The following COL5A2 variants were observed in gnomAD, a reference collection of about 807,000 sequenced individuals.
The protein encoded by COL5A2 is collagen type V alpha 2 chain, also known as collagen alpha-2(V) chain.
In COL5A2, 23 loss-of-function variants were observed where a neutral mutation model predicts 208.2. The observed-to-expected ratio is 0.11, with a 90% CI of 0.08 to 0.16. The LOEUF is 0.16. Ranked by LOEUF, COL5A2 falls within the 10% of genes least tolerant of loss-of-function variation. COL5A2 has a pLI of 1.00. For missense variants in COL5A2, 1,590 were observed against 1,956.4 expected, an observed-to-expected ratio of 0.81 and a Z score of 3.53; for synonymous variants, 625 against 628.5, an observed-to-expected ratio of 0.99 and a Z score of 0.08.
rs1266741782 is a variant in COL5A2 at position 189,088,745 on chromosome 2, C to T, written c.595G>A (p.Asp199Asn). ...RPFSAQMAGL[D>N]EKSGLGSQVG... ...TGACTCCCAAGTCCAGATTTTTCAT[C>T]CAACCCAGCCATTTGAGCTGAAAAC... Residue 199 changes from aspartate to asparagine, a missense_variant, in exon 8 of 54, where the codon GAT (aspartate) becomes AAT (asparagine). By Grantham distance (23) the Asp-to-Asn change is conservative. Coordinates refer to ENST00000374866, the MANE Select transcript of COL5A2 (RefSeq NM_000393.5). 1.2e-6 allele frequency: 2 copies of T among 1,614,046 alleles called. No individual in the cohort carries two copies. The highest frequency in any genetic ancestry group is 2.2e-5 in the East Asian group (1 of 44,846).
At chr2:189,338,666 A>AAT in the COL5A2 span, among the ~76,000 whole-genome samples, 5,378 of 148,862 alleles carry the variant, frequency 0.036, 110 homozygotes, top group Admixed American at 0.05. Flanking sequence ...AATATTATAA[A>AAT]ATGTTTTTAT....
intron 17 of COL5A2, among the ~76,000 whole-genome samples, chr2:189,073,595 CATG>C (rs1024657666): frequency 3.9e-5 from 6 of 152,062 alleles, no homozygotes; most frequent in Admixed American, 3.9e-4. Context: ...CCACTAATTT[CATG>C]ATGAACAGAT....
In COL5A2 at chr2:189,207,545, T is replaced by C. The variant is rs1481050192; in HGVS notation, c.-42+17603A>G. ...TAGTGCTAAGGTTTGCAAAGATCAA[T>C]AACCTGCCTACAGGAAGTGTACATG... On this transcript the variant is annotated intron_variant, in intron 1 of 10. Transcript: ENST00000649966. Among the ~76,000 whole-genome samples the C allele has an allele frequency of 5.3e-5, 8 of 152,212 alleles. No homozygotes were observed. In the East Asian group the frequency reaches 1.3e-3, roughly 26 times the overall value.
Position 189,036,620 on chromosome 2 carries a change from G to A in COL5A2, c.4109C>T (p.Ser1370Phe). ...VWYGLDMNRGSQFAYGDHQSP... is the reference protein window; with the variant it reads ...VWYGLDMNRGFQFAYGDHQSP... ...TAAGTAAACATATTAAATTACCTGA[G>A]ACCCTCTGTTCATATCAAGACCATA... The change falls in exon 52 of 54, where the codon TCT (serine) becomes TTT (phenylalanine). Residue 1370 changes from serine (S) to phenylalanine (F), a missense_variant. Physicochemically the swap from Ser to Phe is radical, Grantham distance 155. Transcript: ENST00000374866. The A allele has an allele frequency of 6.2e-7, 1 of 1,610,174 alleles. No homozygotes were observed.
At chr2:189,081,936 C>G (rs1366273987) in intron 12 of COL5A2, among the ~76,000 whole-genome samples, 1 of 152,046 alleles carries the variant, frequency 6.6e-6, no homozygotes, top group Non-Finnish European at 1.5e-5. Context: ...ATTGAATTGC[C>G]ATTACCACTG....
the COL5A2 span, among the ~76,000 whole-genome samples, chr2:189,411,208 T>C: frequency 6.6e-6 from 1 of 152,192 alleles, no homozygotes; most frequent in African/African-American, 2.4e-5. Flanking sequence ...CTCTGTAAAG[T>C]CTTCTTTATT....
intron 1 of COL5A2, among the ~76,000 whole-genome samples, chr2:189,136,007 C>T (rs990163312): frequency 2.6e-5 from 4 of 152,154 alleles, no homozygotes; most frequent in African/African-American, 9.7e-5. Flanking sequence ...CCACCAGTCA[C>T]ATTTATTCCC....
At chr2:189,181,994 C>A (rs918501388), upstream of COL5A2, among the ~76,000 whole-genome samples, 12 of 152,306 alleles carry the variant, frequency 7.9e-5, no homozygotes, top group East Asian at 1.9e-4. Flanking sequence ...CTTGTGAACT[C>A]TTGAAATCTT....
At chr2:189,066,019 T>G (rs565306725) in intron 23 of COL5A2, among the ~76,000 whole-genome samples, 7 of 152,362 alleles carry the variant, frequency 4.6e-5, no homozygotes, top group Admixed American at 3.3e-4. Flanking sequence ...AGTGTGTGTA[T>G]GGCATTTTTT....
At chr2:189,415,411 T>A in the COL5A2 span, among the ~76,000 whole-genome samples, 870 of 152,342 alleles carry the variant, frequency 5.7e-3, 7 homozygotes, top group Non-Finnish European at 9.5e-3. Flanking sequence ...CGATGGTCTT[T>A]TTTTTAATAT....
chr2:189,236,879 T>A, the COL5A2 span, among the ~76,000 whole-genome samples: 1 of 151,822 alleles, frequency 6.6e-6, no homozygotes, highest in Non-Finnish European at 1.5e-5. Flanking sequence ...TGTAGTTTAA[T>A]TTATCAATGT....
At chr2:189,409,514 T>C in the COL5A2 span, among the ~76,000 whole-genome samples, 3 of 152,306 alleles carry the variant, frequency 2.0e-5, no homozygotes, top group Admixed American at 2.0e-4. Context: ...CATTAATACT[T>C]TCTGTGAGAA....
At chr2:189,395,766 GGT>G in the COL5A2 span, among the ~76,000 whole-genome samples, 1 of 151,570 alleles carries the variant, frequency 6.6e-6, no homozygotes, top group Admixed American at 6.6e-5. Flanking sequence ...AAATTAGCCA[GGT>G]GTGATGGCAG....
chr2:189,358,055 C>T, the COL5A2 span, among the ~76,000 whole-genome samples: 3 of 152,234 alleles, frequency 2.0e-5, no homozygotes, highest in African/African-American at 7.2e-5. Flanking sequence ...TGGGCTGCAC[C>T]CACTGTCCAA....
intron 16 of COL5A2, among the ~76,000 whole-genome samples, chr2:189,076,616 G>C (rs1223504708): frequency 6.6e-6 from 1 of 152,146 alleles, no homozygotes; most frequent in Admixed American, 6.5e-5. Flanking sequence ...TGCAACCAGA[G>C]AGAAGAAAAA....
the COL5A2 span, among the ~76,000 whole-genome samples, chr2:189,343,428 TA>T: frequency 6.6e-6 from 1 of 152,124 alleles, no homozygotes; most frequent in Non-Finnish European, 1.5e-5. Context: ...GAGAACATTC[TA>T]CAGTTTTTAA....
intron 1 of COL5A2, among the ~76,000 whole-genome samples, chr2:189,217,498 G>A (rs969132302): frequency 1.3e-5 from 2 of 152,118 alleles, no homozygotes; most frequent in Admixed American, 1.3e-4. Context: ...TTGATTTAGT[G>A]AGATTTGTGT....
At chr2:189,239,789 T>TA in the COL5A2 span, among the ~76,000 whole-genome samples, 1 of 151,038 alleles carries the variant, frequency 6.6e-6, no homozygotes, top group Non-Finnish European at 1.5e-5. Flanking sequence ...ATAAAATAAA[T>TA]AAAAAAATAA....
In COL5A2 at chr2:189,049,462, A is replaced by G. The variant is rs886055355; in HGVS notation, c.3040-8T>C. The G allele has an allele frequency of 2.1e-5, 33 of 1,604,026 alleles. No individual in the cohort carries two copies. The highest frequency in any genetic ancestry group is 2.8e-5 in the Non-Finnish European group (33 of 1,172,252). On this transcript the variant is annotated splice_polypyrimidine_tract_variant and splice_region_variant and intron_variant, in intron 43 of 53. Coordinates refer to ENST00000374866, the MANE Select transcript of COL5A2 (RefSeq NM_000393.5). ...TACTTTTCCTGGTGTTCCCTGAAATAGAAGTATAAATGTCAAACACTTGTG... is the reference window on the plus strand; with the variant it reads ...TACTTTTCCTGGTGTTCCCTGAAATGGAAGTATAAATGTCAAACACTTGTG...
Sources: allele counts gnomAD v4.1 joint callset (sites outside exome capture counted in the v4.1 genomes callset), GRCh38; gene constraint gnomAD v4.1.1; transcripts MANE v1.5; gene names NCBI Gene and HGNC (gene_info 2026-07-23, HGNC 2026-07-21).